The following OPCML variants were observed in gnomAD, a reference collection of about 807,000 sequenced individuals.
OPCML encodes the protein opioid binding protein/cell adhesion molecule like.
A neutral mutation model predicts 37.8 loss-of-function variants in OPCML; 13 were observed. That is an observed-to-expected ratio of 0.34 (90% confidence interval 0.22 to 0.55). The LOEUF is 0.55. Ranked by LOEUF, OPCML falls within the 20% of genes least tolerant of loss-of-function variation. The probability of loss-of-function intolerance (pLI) is 0.91; values close to 1 mark genes in which losing one functional copy is unlikely to be tolerated. For missense variants in OPCML, 341 were observed against 435.6 expected (o/e 0.78, Z 1.93); for synonymous variants, 176 against 168.8 (o/e 1.04, Z -0.33).
At chr11:133,479,046 A>G (rs1947314279) in intron 1 of OPCML, among the ~76,000 whole-genome samples, 1 of 152,220 alleles carries the variant, frequency 6.6e-6, no homozygotes, top group Non-Finnish European at 1.5e-5. Context: ...GGAGATGATA[A>G]CAGGACGCAC....
At chr11:133,323,853 G>A (rs528334030) in intron 1 of OPCML, among the ~76,000 whole-genome samples, 66 of 152,266 alleles carry the variant, frequency 4.3e-4, no homozygotes, top group Non-Finnish European at 6.6e-4. Context: ...TGCCCTCTCC[G>A]TGCTCCCAAC....
At chr11:132,643,518 C>G (rs980452950) in intron 3 of OPCML, among the ~76,000 whole-genome samples, 1 of 152,186 alleles carries the variant, frequency 6.6e-6, no homozygotes, top group Non-Finnish European at 1.5e-5. Flanking sequence ...CACCAAGCCA[C>G]GGGCGAGGCT....
intron 1 of OPCML, among the ~76,000 whole-genome samples, chr11:133,121,935 CT>C (rs1159202928): frequency 3.9e-5 from 6 of 152,064 alleles, no homozygotes; most frequent in Non-Finnish European, 8.8e-5. Context: ...ATAATTACGC[CT>C]TATTTTTGGC....
In OPCML at chr11:132,989,149, A is replaced by G. The variant is rs1413474778; in HGVS notation, c.62-46139T>C. Among the ~76,000 whole-genome samples the G allele has an allele frequency of 2.0e-5, 3 of 152,148 alleles. No individual in the cohort carries two copies. The East Asian group carries it at 5.8e-4, about 29-fold the overall frequency. ...CACCTTCCATATTTAAACATTCCCA[A>G]ACTCTGTGACCCAGCGAATCCATTC... On this transcript the variant is annotated intron_variant, in intron 1 of 7. Transcript: ENST00000524381.
At chr11:133,227,329 T>G (rs1161121669) in intron 1 of OPCML, among the ~76,000 whole-genome samples, 3 of 152,142 alleles carry the variant, frequency 2.0e-5, no homozygotes, top group Non-Finnish European at 4.4e-5. Context: ...CACCCAAATA[T>G]CTCCATTCTT....
chr11:132,633,675 C>T (rs952462209), intron 3 of OPCML, among the ~76,000 whole-genome samples: 3 of 152,030 alleles, frequency 2.0e-5, no homozygotes, highest in African/African-American at 7.3e-5. Context: ...TTCCACAAAC[C>T]TGATCAGATT....
chr11:133,247,730 G>A (rs1207752464), intron 1 of OPCML, among the ~76,000 whole-genome samples: 3 of 151,774 alleles, frequency 2.0e-5, no homozygotes. Context: ...CAGCCTCCAA[G>A]TAGCTGGGAC....
intron 2 of OPCML, among the ~76,000 whole-genome samples, chr11:132,827,092 T>C (rs532528884): frequency 1.3e-5 from 2 of 152,336 alleles, no homozygotes; most frequent in African/African-American, 4.8e-5. Flanking sequence ...AGTTGCCTTT[T>C]TAAAGGTCTA....
intron 2 of OPCML, among the ~76,000 whole-genome samples, chr11:132,768,274 C>A (rs1565848012): frequency 6.6e-6 from 1 of 152,190 alleles, no homozygotes; most frequent in Non-Finnish European, 1.5e-5. Flanking sequence ...GATTCTATAA[C>A]CATCCAAAAG....
intron 1 of OPCML, among the ~76,000 whole-genome samples, chr11:132,996,284 T>G (rs1946883460): frequency 6.6e-6 from 1 of 151,982 alleles, no homozygotes; most frequent in African/African-American, 2.4e-5. Flanking sequence ...TGATACAGGA[T>G]TTGAAGGCAA....
At position 133,474,982 on chromosome 11, in the gene OPCML, G is replaced by A. The variant is rs906298333; in HGVS notation, c.61+57282C>T. On this transcript the variant is annotated intron_variant, in intron 1 of 7. Coordinates refer to ENST00000524381, the MANE Select transcript of OPCML (RefSeq NM_001012393.5). Reference sequence around the variant, plus strand: ...AAGGAAGCACATCCTGCCAAGCAGTGCAGGCACCTACCACGGTTACCAAGA... The same window carrying A: ...AAGGAAGCACATCCTGCCAAGCAGTACAGGCACCTACCACGGTTACCAAGA... 2.0e-5 allele frequency among the ~76,000 whole-genome samples: 3 copies of A among 152,148 alleles called. No homozygotes were observed. In the East Asian group the frequency reaches 5.8e-4, roughly 29 times the overall value.
chr11:132,771,621 C>T (rs1432014606), intron 2 of OPCML: 1 of 152,210 alleles, frequency 6.6e-6, no homozygotes, highest in Non-Finnish European at 1.5e-5. Flanking sequence ...ACACACACAG[C>T]TCTTGTCAGC....
chr11:133,286,456 G>C (rs545648757), intron 1 of OPCML, among the ~76,000 whole-genome samples: 11 of 115,736 alleles, frequency 9.5e-5, no homozygotes, highest in Non-Finnish European at 1.6e-4. Flanking sequence ...GCGACAGAGC[G>C]AGACTGTGTC....
intron 1 of OPCML, among the ~76,000 whole-genome samples, chr11:133,310,608 G>A (rs969546287): frequency 3.9e-5 from 6 of 152,194 alleles, no homozygotes; most frequent in East Asian, 1.9e-4. Context: ...CCAGCAGGCC[G>A]TTTCCAGAAC....
intron 2 of OPCML, among the ~76,000 whole-genome samples, chr11:132,770,948 T>A (rs922912262): frequency 2.0e-5 from 3 of 152,154 alleles, no homozygotes; most frequent in African/African-American, 4.8e-5. Context: ...CCTTGACCCT[T>A]AAATCTCTGC....
chr11:132,708,162 T>C (rs565568161), intron 2 of OPCML, among the ~76,000 whole-genome samples: 1 of 152,328 alleles, frequency 6.6e-6, no homozygotes, highest in African/African-American at 2.4e-5. Context: ...TGAGTATTTG[T>C]GTAAGAAGTA....
chr11:133,121,258 C>T (rs2137115523), intron 1 of OPCML, among the ~76,000 whole-genome samples: 1 of 152,266 alleles, frequency 6.6e-6, no homozygotes, highest in Non-Finnish European at 1.5e-5. Flanking sequence ...ACCTAGCAAA[C>T]CATAGCATTT....
rs551269684 is a variant in OPCML at position 133,289,550 on chromosome 11, C to G, written c.61+242714G>C. ...GCGGAGCTTGCAGTGAGCCGAGATC[C>G]CGCCACTGCACTCCAGCCTGGGCGA... On this transcript the variant is annotated intron_variant, in intron 1 of 7. Transcript: ENST00000524381. Among the ~76,000 whole-genome samples, 293 of 147,508 alleles carry G rather than the reference C, an allele frequency of 2.0e-3. 2 individuals carry two copies. Among genetic ancestry groups the G allele is most frequent in the African/African-American group, 6.5e-3 (259 of 39,584 alleles).
chr11:133,485,475 T>C (rs914450573), intron 1 of OPCML, among the ~76,000 whole-genome samples: 3 of 152,200 alleles, frequency 2.0e-5, no homozygotes, highest in Non-Finnish European at 4.4e-5. Context: ...TAGATTCCAA[T>C]TCTTCTCATC....
Sources: allele counts gnomAD v4.1 joint callset (sites outside exome capture counted in the v4.1 genomes callset), GRCh38; gene constraint gnomAD v4.1.1; transcripts MANE v1.5; gene names NCBI Gene and HGNC (gene_info 2026-07-23, HGNC 2026-07-21).